The following MTUS1 variants were observed in gnomAD, a reference collection of about 807,000 sequenced individuals.
The protein encoded by MTUS1 is microtubule-associated tumor suppressor 1.
In MTUS1, 109 loss-of-function variants were observed where a neutral mutation model predicts 120.8. The observed-to-expected ratio is 0.90, with a 90% confidence interval of 0.77 to 1.06. The LOEUF is 1.06. Ranked by LOEUF, MTUS1 falls within the 50% of genes least tolerant of loss-of-function variation. The pLI is 0.00. For synonymous variants in MTUS1, 737 were observed against 550.5 expected, an observed-to-expected ratio of 1.34 and a Z score of -4.74; for missense variants, 2,210 against 1,486.3, an observed-to-expected ratio of 1.49 and a Z score of -8.01.
chr8:17,794,890 G>C (rs534121132), intron 1 of MTUS1, among the ~76,000 whole-genome samples: 2 of 152,246 alleles, frequency 1.3e-5, no homozygotes, highest in African/African-American at 2.4e-5. Flanking sequence ...ATTCCGTAAA[G>C]CTAGCCAAGG....
At chr8:17,792,041 G>A (rs1444177556) in intron 1 of MTUS1, among the ~76,000 whole-genome samples, 1 of 152,106 alleles carries the variant, frequency 6.6e-6, no homozygotes. Context: ...TCTCAGACAT[G>A]AACCCAATTT....
intron 4 of MTUS1, among the ~76,000 whole-genome samples, chr8:17,719,542 G>C (rs1822997614): frequency 1.3e-5 from 2 of 152,208 alleles, no homozygotes; most frequent in Non-Finnish European, 2.9e-5. Flanking sequence ...AGTCCATTCA[G>C]AAGTGCGTAA....
chr8:17,790,609 T>A (rs760216257), intron 1 of MTUS1, among the ~76,000 whole-genome samples: 5 of 152,218 alleles, frequency 3.3e-5, no homozygotes, highest in Non-Finnish European at 7.3e-5. Flanking sequence ...CATTTAACAT[T>A]CGGCTTTACG....
intron 2 of MTUS1, among the ~76,000 whole-genome samples, chr8:17,747,770 G>T (rs536349410): frequency 1.3e-5 from 2 of 152,110 alleles, no homozygotes; most frequent in Admixed American, 1.3e-4. Flanking sequence ...TTATAAAGAC[G>T]TACATGAGAC....
chr8:17,748,779 A>G (rs1013365453), intron 2 of MTUS1, among the ~76,000 whole-genome samples: 4 of 152,192 alleles, frequency 2.6e-5, no homozygotes, highest in African/African-American at 9.7e-5. Context: ...GGGTTGAGAA[A>G]AACTCCTGCA....
intron 7 of MTUS1, among the ~76,000 whole-genome samples, chr8:17,681,307 T>C (rs1585647097): frequency 6.6e-6 from 1 of 152,304 alleles, no homozygotes; most frequent in East Asian, 1.9e-4. Context: ...GTGATGCTGC[T>C]GTAAAACCGA....
At chr8:17,702,001 G>A (rs2130918568) in intron 6 of MTUS1, among the ~76,000 whole-genome samples, 1 of 152,170 alleles carries the variant, frequency 6.6e-6, no homozygotes, top group African/African-American at 2.4e-5. Flanking sequence ...TTATTTTAAT[G>A]GCTTCAAAAA....
intron 7 of MTUS1, among the ~76,000 whole-genome samples, chr8:17,678,979 C>A (rs1313179207): frequency 6.6e-6 from 1 of 152,170 alleles, no homozygotes; most frequent in Non-Finnish European, 1.5e-5. Flanking sequence ...TTTAGTGTGT[C>A]TTCTGCGAAA....
intron 3 of MTUS1, among the ~76,000 whole-genome samples, chr8:17,727,145 C>T (rs2046278916): frequency 6.6e-6 from 1 of 152,166 alleles, no homozygotes; most frequent in African/African-American, 2.4e-5. Flanking sequence ...CCAAAGTCTT[C>T]CCAATTCCAC....
chr8:17,751,126 G>T (rs951355969), intron 2 of MTUS1, among the ~76,000 whole-genome samples: 3 of 152,022 alleles, frequency 2.0e-5, no homozygotes, highest in Admixed American at 6.5e-5. Context: ...AGACCAGCCT[G>T]GCCAACGTGG....
intron 8 of MTUS1, chr8:17,674,397 T>C (rs920350532): frequency 5.9e-5 from 53 of 904,286 alleles, no homozygotes; most frequent in Admixed American, 1.2e-4. Flanking sequence ...TCCAGTCTGG[T>C]GACAGAGCAA....
In MTUS1 at chr8:17,755,561, C is replaced by T. The variant is rs2048547323; in HGVS notation, c.247G>A (p.Glu83Lys). Reference sequence around the variant, plus strand: ...CTAATGAAATCACTAGAAGACTTTTCATGACCAAATACTTCAACACCCTGA... The same window carrying T: ...CTAATGAAATCACTAGAAGACTTTTTATGACCAAATACTTCAACACCCTGA... ...SLQGVEVFGH[E>K]KSSSDFISKQ... The change falls in exon 2 of 15, where the codon GAA (glutamate) becomes AAA (lysine). Residue 83 changes from glutamate (E) to lysine (K), a missense_variant. Physicochemically the swap from Glu to Lys is moderately conservative, Grantham distance 56 (BLOSUM62 1). Coordinates refer to ENST00000693296, the MANE Select transcript of MTUS1 (RefSeq NM_001363059.2). 1 of 1,614,076 alleles carries T rather than the reference C, an allele frequency of 6.2e-7. No individual in the cohort carries two copies. The highest frequency in any genetic ancestry group is 1.3e-5 in the African/African-American group (1 of 74,934).
At chr8:17,678,245 T>C (rs895045037) in intron 7 of MTUS1, among the ~76,000 whole-genome samples, 2 of 152,178 alleles carry the variant, frequency 1.3e-5, no homozygotes, top group East Asian at 3.8e-4. Flanking sequence ...TACTGTTTCT[T>C]TTTACTCAGC....
intron 9 of MTUS1, chr8:17,654,927 T>G (rs908265356): frequency 1.9e-4 from 93 of 486,620 alleles, no homozygotes; most frequent in Non-Finnish European, 4.0e-5. Context: ...TGTCCCCACA[T>G]GTGCACACAC....
chr8:17,788,310 TTC>T (rs2051478182), intron 1 of MTUS1, among the ~76,000 whole-genome samples: 1 of 152,244 alleles, frequency 6.6e-6, no homozygotes, highest in East Asian at 1.9e-4. Flanking sequence ...GCAGTGTGTA[TTC>T]TGAGACATAT....
chr8:17,656,064 G>A lies in MTUS1; in HGVS notation c.2907C>T (p.Val969=), dbSNP rs774931734. Residue 969 remains valine, a splice_region_variant and synonymous_variant, in exon 9 of 15, where the codon GTC becomes GTT. Coordinates refer to ENST00000693296, the MANE Select transcript of MTUS1 (RefSeq NM_001363059.2). ...ATTTCTCACAGGTGGTTGAAGCAGT[G>A]ACTGAAAACAGAGGAGAAAGAAGAG... is the stretch of plus-strand genomic sequence containing the variant. The part of the protein sequence containing the change: ...QELVNLRGEL[V]TASTTCEKLE... The A allele has an allele frequency of 5.6e-6, 9 of 1,613,928 alleles. No homozygotes were observed. The highest frequency in any genetic ancestry group is 7.6e-6 in the Non-Finnish European group (9 of 1,179,938).
chr8:17,784,506 G>C (rs1377282270), intron 1 of MTUS1, among the ~76,000 whole-genome samples: 1 of 152,066 alleles, frequency 6.6e-6, no homozygotes, highest in Non-Finnish European at 1.5e-5. Flanking sequence ...TATTGGCCAG[G>C]CTGGTTTTGA....
At chr8:17,750,769 A>G (rs1028512680) in intron 2 of MTUS1, among the ~76,000 whole-genome samples, 11 of 152,214 alleles carry the variant, frequency 7.2e-5, no homozygotes, top group Non-Finnish European at 1.2e-4. Context: ...CACTGAATAA[A>G]TATCAATTCC....
At chr8:17,798,234 T>G (rs2052403621) in intron 1 of MTUS1, among the ~76,000 whole-genome samples, 1 of 152,210 alleles carries the variant, frequency 6.6e-6, no homozygotes, top group Admixed American at 6.5e-5. Context: ...CCAGGCCCAG[T>G]GGCTTCTCAT....
Sources: gnomAD v4.1 joint callset for allele counts (sites outside exome capture counted in the v4.1 genomes callset) on GRCh38, gnomAD v4.1.1 for gene constraint, MANE v1.5 for transcripts, NCBI Gene and HGNC (gene_info 2026-07-23, HGNC 2026-07-21) for gene names.